MYO16: variants seen among roughly 807,000 people sequenced by gnomAD.
MYO16 encodes myosin XVI.
A neutral mutation model predicts 205.3 loss-of-function variants in MYO16; 94 were observed. The observed-to-expected ratio is 0.46, with a 90% CI of 0.39 to 0.54. The LOEUF is 0.54. Among genes scored for constraint, MYO16 ranks in the 20% least tolerant of loss-of-function variants. MYO16 has a pLI of 0.00. For missense variants in MYO16, 2,315 were observed against 2,387.5 expected, an observed-to-expected ratio of 0.97 and a Z score of 0.63; for synonymous variants, 988 against 954.0, an observed-to-expected ratio of 1.04 and a Z score of -0.66.
intron 33 of MYO16, among the ~76,000 whole-genome samples, chr13:109,178,394 T>C (rs1009589129): frequency 2.6e-5 from 4 of 152,206 alleles, no homozygotes; most frequent in Non-Finnish European, 5.9e-5. Flanking sequence ...CCTTGTTGTG[T>C]GTTGACAGGA....
At chr13:108,964,599 CATA>C in intron 19 of MYO16, among the ~76,000 whole-genome samples, 159 bp from the exon 20 acceptor site, 1 of 152,290 alleles carries the variant, frequency 6.6e-6, no homozygotes, top group South Asian at 2.1e-4. Context: ...AAACATTTTG[CATA>C]ATAACTGACG....
chr13:109,058,189 T>C (rs1417002576), intron 27 of MYO16, among the ~76,000 whole-genome samples: 1 of 152,140 alleles, frequency 6.6e-6, no homozygotes, highest in African/African-American at 2.4e-5. Context: ...GAATCTCTAG[T>C]CATCTGGGGA....
intron 4 of MYO16, among the ~76,000 whole-genome samples, chr13:108,782,821 G>T (rs1886345639): frequency 3.3e-5 from 5 of 152,212 alleles, no homozygotes; most frequent in Admixed American, 3.3e-4. Context: ...AGCCTTGGCA[G>T]CTTCCATGTG....
At chr13:108,559,498 G>A in the MYO16 span, among the ~76,000 whole-genome samples, 4 of 123,144 alleles carry the variant, frequency 3.2e-5, no homozygotes, top group East Asian at 9.8e-4. Flanking sequence ...TTTTTGAGAC[G>A]GAGTCTTGCT....
chr13:108,507,013 C>T, the MYO16 span, among the ~76,000 whole-genome samples: 4 of 151,986 alleles, frequency 2.6e-5, no homozygotes, highest in Non-Finnish European at 5.9e-5. Context: ...TTGAACCATC[C>T]TTACATTACA....
chr13:108,896,064 C>T (rs1402164247), intron 14 of MYO16, among the ~76,000 whole-genome samples: 1 of 152,134 alleles, frequency 6.6e-6, no homozygotes, highest in African/African-American at 2.4e-5. Context: ...TTCTCACTCC[C>T]AGGCACATGC....
chr13:109,073,956 C>G (rs934362425), intron 27 of MYO16, among the ~76,000 whole-genome samples: 3 of 152,146 alleles, frequency 2.0e-5, no homozygotes, highest in African/African-American at 7.2e-5. Flanking sequence ...CTTTTTGCAC[C>G]ACGGGAAGGT....
Position 108,910,150 on chromosome 13 carries a change from G to A in MYO16, c.1925G>A (p.Arg642Gln), listed in dbSNP as rs748634691. ...CATCTTAATAATTTATGTGCACACCGGTGAGTGACTAAGTATTTTGTATCT... is the reference window on the plus strand; with the variant it reads ...CATCTTAATAATTTATGTGCACACCAGTGAGTGACTAAGTATTTTGTATCT... ...GLHLNNLCAH[R>Q]YLNQTIQDDA... The change falls in exon 16 of 35, where the codon CGG becomes CAG. Residue 642 changes from arginine (R) to glutamine (Q), a missense_variant and splice_region_variant. Physicochemically the swap from Arg to Gln is conservative, Grantham distance 43 (BLOSUM62 1). Transcript: ENST00000457511. The A allele has an allele frequency of 8.1e-6, 13 of 1,610,426 alleles. No individual in the cohort carries two copies. Among genetic ancestry groups the A allele is most frequent in the Admixed American group, 3.4e-5 (2 of 59,652 alleles).
At chr13:108,530,241 T>TATC in the MYO16 span, among the ~76,000 whole-genome samples, 2 of 152,210 alleles carry the variant, frequency 1.3e-5, no homozygotes, top group Non-Finnish European at 2.9e-5. Flanking sequence ...AACAGCCATG[T>TATC]ATCAGAGTCA....
intron 31 of MYO16, among the ~76,000 whole-genome samples, chr13:109,131,045 G>A (rs1198662552): frequency 3.3e-5 from 5 of 152,008 alleles, no homozygotes; most frequent in Non-Finnish European, 7.4e-5. Flanking sequence ...CTAGTAACGT[G>A]TCACAAAATT....
chr13:108,865,739 C>A (rs1372308428), intron 11 of MYO16, among the ~76,000 whole-genome samples: 4 of 151,924 alleles, frequency 2.6e-5, no homozygotes, highest in African/African-American at 9.7e-5. Context: ...TTAATTGAAA[C>A]AAAGTATTTT....
In MYO16 at chr13:109,046,939, G is replaced by A. The variant is rs772021756; in HGVS notation, c.2820G>A (p.Ala940=). 23 of 1,610,944 alleles carry A rather than the reference G, an allele frequency of 1.4e-5. 1 individual carries two copies. In the South Asian group the frequency reaches 2.0e-4, roughly 14 times the overall value. The change falls in exon 24 of 35, where the codon GCG becomes GCA. Residue 940 remains alanine, a synonymous_variant. Coordinates refer to ENST00000457511, the MANE Select transcript of MYO16 (RefSeq NM_001198950.3). ...AGRVMYDVVG[A]IEKNKDSLSQ... ...AGGTAATGTATGATGTTGTTGGGGC[G>A]ATTGAAAAAAATAAAGACTCCCTTT...
At chr13:108,728,966 T>G (rs1884431403) in intron 4 of MYO16, among the ~76,000 whole-genome samples, 1 of 143,858 alleles carries the variant, frequency 7.0e-6, no homozygotes, top group Non-Finnish European at 1.5e-5. Flanking sequence ...GATTTGTCCT[T>G]CAAGAATATG....
At chr13:109,018,904 A>G (rs914821014) in intron 22 of MYO16, among the ~76,000 whole-genome samples, 1 of 151,702 alleles carries the variant, frequency 6.6e-6, no homozygotes, top group African/African-American at 2.4e-5. Context: ...TTCTGTGTCA[A>G]TCACATTGGG....
chr13:108,986,622 C>CAAAA (rs11350100), intron 20 of MYO16, among the ~76,000 whole-genome samples: 19 of 69,516 alleles, frequency 2.7e-4, no homozygotes, highest in Non-Finnish European at 4.0e-4. Flanking sequence ...AACTCCGTCT[C>CAAAA]AAAAAAAAAA....
intron 21 of MYO16, among the ~76,000 whole-genome samples, chr13:108,993,115 T>C (rs1884890653): frequency 6.6e-6 from 1 of 152,130 alleles, no homozygotes; most frequent in Admixed American, 6.6e-5. Flanking sequence ...AAAACCAAGC[T>C]ACATTATAGT....
intron 24 of MYO16, among the ~76,000 whole-genome samples, chr13:109,051,206 T>C (rs1276940210): frequency 6.6e-6 from 1 of 152,222 alleles, no homozygotes; most frequent in Non-Finnish European, 1.5e-5. Flanking sequence ...TGCATAATTG[T>C]ATCTCCTTTT....
At chr13:108,856,717 TA>T (rs1878193530) in intron 11 of MYO16, among the ~76,000 whole-genome samples, 1 of 152,220 alleles carries the variant, frequency 6.6e-6, no homozygotes, top group Non-Finnish European at 1.5e-5. Context: ...TTTGTGCCTT[TA>T]AAGTGACATT....
upstream of MYO16, among the ~76,000 whole-genome samples, chr13:108,628,903 T>A (rs73604706): frequency 0.068 from 10,419 of 152,260 alleles, 497 homozygotes; most frequent in East Asian, 0.18. Context: ...AAAAAATGTA[T>A]CACTTTGAAT....
Sources: gnomAD v4.1 joint callset for allele counts (sites outside exome capture counted in the v4.1 genomes callset) on GRCh38, gnomAD v4.1.1 for gene constraint, MANE v1.5 for transcripts, NCBI Gene and HGNC (gene_info 2026-07-23, HGNC 2026-07-21) for gene names.